The following HSD17B3 variants were observed in gnomAD, a reference collection of about 807,000 sequenced individuals.
The protein encoded by HSD17B3 is 17-beta-hydroxysteroid dehydrogenase type 3.
HSD17B3 carries 29 observed loss-of-function variants against 41.1 expected under a neutral mutation model. The ratio of observed to expected loss-of-function variants is 0.71; its 90% CI spans 0.53 to 0.96. HSD17B3 has a LOEUF of 0.96. Among genes scored for constraint, HSD17B3 ranks in the 40% least tolerant of loss-of-function variants. The pLI is 0.00. For synonymous variants in HSD17B3, 126 were observed against 145.6 expected, an observed-to-expected ratio of 0.87 and a Z score of 0.97; for missense variants, 323 against 374.6, an observed-to-expected ratio of 0.86 and a Z score of 1.14.
intron 2 of HSD17B3, among the ~76,000 whole-genome samples, chr9:96,287,120 G>A (rs1316764047): frequency 2.0e-5 from 3 of 152,246 alleles, no homozygotes; most frequent in East Asian, 3.9e-4. Context: ...CAACAGGGGT[G>A]GTGACCTTCA....
chr9:96,244,248 T>C, intron 9 of HSD17B3, 81 bp downstream of exon 9: 1 of 1,391,946 alleles, frequency 7.2e-7, no homozygotes, highest in Non-Finnish European at 1.0e-6. Flanking sequence ...CCACGGGAGG[T>C]CCAGAGTAAC....
intron 2 of HSD17B3, among the ~76,000 whole-genome samples, chr9:96,288,416 C>T (rs1193244110): frequency 6.6e-6 from 1 of 152,206 alleles, no homozygotes; most frequent in Non-Finnish European, 1.5e-5. Flanking sequence ...AAGGTGTTAA[C>T]ACCACAAAGG....
chr9:96,252,699 T>G, intron 4 of HSD17B3, 104 bp downstream of exon 4: 1 of 775,672 alleles, frequency 1.3e-6, no homozygotes, highest in Non-Finnish European at 2.3e-6. Context: ...AATACAGTCA[T>G]GGTTTGAGTA....
chr9:96,254,994 A>C (rs751368811), intron 2 of HSD17B3, 51 bp from the exon 3 acceptor site: 1 of 1,504,936 alleles, frequency 6.6e-7, no homozygotes, highest in East Asian at 2.3e-5. Flanking sequence ...GCAGACAGGG[A>C]GGGCTTGTGT....
intron 2 of HSD17B3, among the ~76,000 whole-genome samples, chr9:96,295,902 G>T (rs1827342078): frequency 6.6e-6 from 1 of 152,100 alleles, no homozygotes; most frequent in South Asian, 2.1e-4. Flanking sequence ...GCTTTCAGGA[G>T]GTAATCAGGT....
rs187086235 is a variant in HSD17B3, at chr9:96,249,499, G to A, written c.489+252C>T. 313 of 557,532 alleles carry A rather than the reference G, an allele frequency of 5.6e-4. 2 individuals are homozygous for A. Among genetic ancestry groups the A allele is most frequent in the African/African-American group, 4.6e-3 (245 of 53,334 alleles). The allele number at this position is 557,532 out of a possible 1,614,324, so 34.5% of individuals were successfully genotyped here. A position where few individuals can be genotyped will look rare whatever the true frequency, so the allele number is the denominator to read the frequency against. On this transcript the variant is annotated intron_variant, in intron 6 of 10. Transcript: ENST00000375263. ...ATACGTTTCAGCATCATCGAGCTTA[G>A]TATGTTCCAACGTGTGACAAAACTG... is the stretch of plus-strand genomic sequence containing the variant.
chr9:96,263,842 T>C (rs13301464), intron 2 of HSD17B3, among the ~76,000 whole-genome samples: 5,960 of 152,266 alleles, frequency 0.039, 301 homozygotes, highest in East Asian at 0.24. Context: ...ATTTCTTTTT[T>C]GTATCCTTTG....
At chr9:96,251,688 G>A (rs1042278694) in intron 4 of HSD17B3, among the ~76,000 whole-genome samples, 9 of 152,326 alleles carry the variant, frequency 5.9e-5, no homozygotes, top group South Asian at 2.1e-4. Flanking sequence ...GGAATGCAGT[G>A]TAGTCATTAA....
intron 2 of HSD17B3, among the ~76,000 whole-genome samples, chr9:96,266,514 C>T (rs1038938834): frequency 6.6e-6 from 1 of 152,120 alleles, no homozygotes; most frequent in East Asian, 1.9e-4. Flanking sequence ...AAGCTATCCT[C>T]CTGCCGCAGC....
chr9:96,258,076 C>A (rs921882210), intron 2 of HSD17B3, among the ~76,000 whole-genome samples: 4 of 152,150 alleles, frequency 2.6e-5, no homozygotes, highest in Non-Finnish European at 5.9e-5. Context: ...AGTAACTTAT[C>A]ATTTTCTTAT....
At chr9:96,288,588 C>A (rs1827019054) in intron 2 of HSD17B3, among the ~76,000 whole-genome samples, 1 of 151,734 alleles carries the variant, frequency 6.6e-6, no homozygotes, top group Admixed American at 6.6e-5. Flanking sequence ...CAAGACCAAC[C>A]CAGGCAACAC....
At chr9:96,251,573 A>T in intron 4 of HSD17B3, 88 bp from the exon 5 acceptor site, 1 of 1,227,530 alleles carries the variant, frequency 8.1e-7, no homozygotes, top group Non-Finnish European at 1.2e-6. Context: ...TTGACATGTA[A>T]GGTTGTTCAT....
chr9:96,244,347 T>G lies in HSD17B3; in HGVS notation c.654A>C (p.Ala218=). The stretch of plus-strand genomic sequence containing the variant: ...ACCTCACCTGGATGATGACTTCTTT[T>G]GCTTTATATTCCTCTTGCAGGGCCT... ...FSKALQEEYK[A]KEVIIQVLTP... Residue 218 remains alanine, a synonymous_variant, in exon 9 of 11, where the codon GCA becomes GCC. Transcript: ENST00000375263. 1 of 1,614,218 alleles carries G rather than the reference T, an allele frequency of 6.2e-7. No individual in the cohort carries two copies. The highest frequency in any genetic ancestry group is 8.5e-7 in the Non-Finnish European group (1 of 1,180,044).
chr9:96,248,051 C>A (rs969371932), intron 6 of HSD17B3, among the ~76,000 whole-genome samples: 1 of 152,136 alleles, frequency 6.6e-6, no homozygotes, highest in South Asian at 2.1e-4. Flanking sequence ...CAAAGCATTT[C>A]TCTGCTAAAG....
chr9:96,293,314 G>A (rs555983327), intron 2 of HSD17B3, among the ~76,000 whole-genome samples: 15 of 152,212 alleles, frequency 9.9e-5, no homozygotes, highest in Middle Eastern at 3.4e-3. Flanking sequence ...GGTGGGCCTC[G>A]TCTCGTCAGC....
At chr9:96,253,366 T>G (rs1012338654) in intron 3 of HSD17B3, among the ~76,000 whole-genome samples, 6 of 152,230 alleles carry the variant, frequency 3.9e-5, no homozygotes, top group African/African-American at 1.4e-4. Flanking sequence ...AAGCAAGGTC[T>G]GACACTGCCT....
At chr9:96,261,028 T>C (rs1825838017) in intron 2 of HSD17B3, among the ~76,000 whole-genome samples, 1 of 152,186 alleles carries the variant, frequency 6.6e-6, no homozygotes, top group African/African-American at 2.4e-5. Flanking sequence ...CCTGAATTAG[T>C]TCATATAGGA....
intron 2 of HSD17B3, among the ~76,000 whole-genome samples, chr9:96,277,789 T>G (rs1048665707): frequency 7.3e-5 from 11 of 150,988 alleles, no homozygotes; most frequent in Admixed American, 7.3e-4. Context: ...AGCCAAGATA[T>G]GGAAGTAACC....
chr9:96,293,574 T>C (rs1827235301), intron 2 of HSD17B3, among the ~76,000 whole-genome samples: 4 of 145,272 alleles, frequency 2.8e-5, no homozygotes, highest in Admixed American at 2.7e-4. Context: ...TCTCCTTCCC[T>C]CTCCCTTCCT....
Sources: allele counts gnomAD v4.1 joint callset (sites outside exome capture counted in the v4.1 genomes callset), GRCh38; gene constraint gnomAD v4.1.1; transcripts MANE v1.5; gene names NCBI Gene and HGNC (gene_info 2026-07-23, HGNC 2026-07-21).